IARS1: variants seen among roughly 807,000 people sequenced by gnomAD.
IARS1 encodes isoleucyl-tRNA synthetase 1.
A neutral mutation model predicts 168.2 loss-of-function variants in IARS1; 124 were observed. The observed-to-expected ratio is 0.74, with a 90% confidence interval of 0.64 to 0.86. IARS1 has a LOEUF of 0.86. Ranked by LOEUF, IARS1 falls within the 40% of genes least tolerant of loss-of-function variation. IARS1 has a pLI of 0.00. For missense variants in IARS1, 1,452 were observed against 1,515.8 expected (o/e 0.96, Z 0.70); for synonymous variants, 532 against 529.4 (o/e 1.00, Z -0.07).
At chr9:92,256,625 C>A in intron 20 of IARS1, 55 bp downstream of exon 20, 2 of 1,499,150 alleles carry the variant, frequency 1.3e-6, no homozygotes, top group Non-Finnish European at 1.8e-6. Flanking sequence ...ATCAAAAGGG[C>A]AGTTACAAAG....
intron 30 of IARS1, among the ~76,000 whole-genome samples, chr9:92,230,019 T>C (rs1826411061): frequency 6.6e-6 from 1 of 152,210 alleles, no homozygotes; most frequent in Non-Finnish European, 1.5e-5. Flanking sequence ...AGTCTCCATT[T>C]CTATAATCTT....
intron 31 of IARS1, among the ~76,000 whole-genome samples, chr9:92,225,516 C>T (rs72750414): frequency 0.018 from 2,738 of 150,650 alleles, 43 homozygotes; most frequent in Middle Eastern, 0.045. Flanking sequence ...CTTTCTATCT[C>T]GTTTTGGGTA....
chr9:92,262,805 T>TTCC (rs1831711650), intron 17 of IARS1, among the ~76,000 whole-genome samples, 164 bp downstream of exon 17: 1 of 152,188 alleles, frequency 6.6e-6, no homozygotes, highest in Admixed American at 6.5e-5. Flanking sequence ...AGTCCTCCCC[T>TTCC]TCCTCCTCCT....
At chr9:92,255,953 T>G (rs1199754039) in intron 20 of IARS1, among the ~76,000 whole-genome samples, 1 of 152,102 alleles carries the variant, frequency 6.6e-6, no homozygotes, top group Non-Finnish European at 1.5e-5. Flanking sequence ...GATATGACTA[T>G]TACACACTGT....
intron 30 of IARS1, among the ~76,000 whole-genome samples, chr9:92,232,276 T>C (rs549421915): frequency 2.0e-4 from 30 of 152,348 alleles, no homozygotes; most frequent in African/African-American, 7.2e-4. Flanking sequence ...GATATGTAGA[T>C]ATTTTCCAAA....
intron 15 of IARS1, 114 bp downstream of exon 15, chr9:92,265,366 G>T: frequency 2.0e-6 from 2 of 1,014,830 alleles, no homozygotes; most frequent in Non-Finnish European, 3.0e-6. Flanking sequence ...TGAGTCATCA[G>T]CAAAGTAATT....
chr9:92,274,373 G>C, intron 10 of IARS1, 53 bp downstream of exon 10: 1 of 1,394,996 alleles, frequency 7.2e-7, no homozygotes, highest in Non-Finnish European at 1.0e-6. Flanking sequence ...CCGCATCTAT[G>C]AAAAGTGGCT....
At chr9:92,213,401 T>C (rs756583550) in intron 33 of IARS1, among the ~76,000 whole-genome samples, 1 of 152,250 alleles carries the variant, frequency 6.6e-6, no homozygotes, top group Non-Finnish European at 1.5e-5. Flanking sequence ...CGGTTAATAA[T>C]GGCCTTCCAA....
rs1825131008 is a variant in IARS1, at chr9:92,223,468, A to C, written c.3431T>G (p.Leu1144Ter). The change falls in exon 32 of 34, where the codon TTA (leucine) becomes TGA (stop). Residue 1144 changes from leucine to a stop codon, truncating the protein, a stop_gained. Coordinates refer to ENST00000443024, the MANE Select transcript of IARS1 (RefSeq NM_002161.6). LOFTEE classifies it high-confidence loss of function. ...DETEIQNQTDLLSLSGKTLCV... is the reference protein window; with the variant it reads ...DETEIQNQTD Reference sequence around the variant, plus strand: ...AAGTGTTTTTCCACTAAGACTCAGTAAGTCAGTTTGGTTTTGTATTTCTAA... The same window carrying C: ...AAGTGTTTTTCCACTAAGACTCAGTCAGTCAGTTTGGTTTTGTATTTCTAA... 2 of 1,612,878 alleles carry C rather than the reference A, an allele frequency of 1.2e-6. No homozygotes were observed. Among genetic ancestry groups the C allele is most frequent in the African/African-American group, 1.3e-5 (1 of 74,878 alleles).
rs755408701 is a variant in IARS1, at chr9:92,253,378, T to C, written c.2213A>G (p.Asn738Ser). 5 of 1,612,238 alleles carry C rather than the reference T, an allele frequency of 3.1e-6. No homozygotes were observed. Among genetic ancestry groups the C allele is most frequent in the Non-Finnish European group, 4.2e-6 (5 of 1,178,458 alleles). ...DILTNWYVRM[N>S]RRRLKGENGM... ...TGCACTTACCTTTAATCTTCTGCGG[T>C]TCATTCTAACATACCAATTGGTCAG... is the stretch of plus-strand genomic sequence containing the variant. The change falls in exon 21 of 34, where the codon AAC becomes AGC. Residue 738 changes from asparagine (N) to serine (S), a missense_variant. Asn to Ser is a conservative substitution (Grantham distance 46). Transcript: ENST00000443024.
intron 14 of IARS1, 56 bp downstream of exon 14, chr9:92,268,118 T>A: frequency 1.3e-6 from 2 of 1,509,180 alleles, no homozygotes; most frequent in Admixed American, 2.6e-5. Context: ...CATTCAGATT[T>A]CATGAACAAA....
chr9:92,281,052 T>C (rs1834479216), intron 6 of IARS1, among the ~76,000 whole-genome samples, 159 bp from the exon 7 acceptor site: 2 of 151,258 alleles, frequency 1.3e-5, no homozygotes, highest in Admixed American at 1.3e-4. Context: ...AAATTCCAAG[T>C]AAAAAAATTT....
At position 92,272,041 on chromosome 9, in the gene IARS1, C is replaced by T. The variant is rs567687588; in HGVS notation, c.991-386G>A. ...AAACTAAATCAAATTTGATTTATAA[C>T]AGCAGCACACACATCTGAAAAACCA... is the stretch of plus-strand genomic sequence containing the variant. On this transcript the variant is annotated intron_variant, in intron 10 of 33. Coordinates refer to ENST00000443024, the MANE Select transcript of IARS1 (RefSeq NM_002161.6). Among the ~76,000 whole-genome samples the T allele has an allele frequency of 1.6e-4, 25 of 152,332 alleles. 1 individual carries two copies. The highest frequency in any genetic ancestry group is 5.8e-4 in the African/African-American group (24 of 41,578).
Position 92,289,408 on chromosome 9 carries a change from T to C in IARS1, c.12A>G (p.Gln4=), listed in dbSNP as rs781079869. 2.1e-5 allele frequency: 31 copies of C among 1,509,238 alleles called. No homozygotes were observed. Among genetic ancestry groups the C allele is most frequent in the African/African-American group, 4.1e-5 (3 of 72,738 alleles). The allele number at this position is 1,509,238 out of a possible 1,614,324, so 93.5% of individuals were successfully genotyped here. The change falls in exon 2 of 34, where the codon CAA becomes CAG. Residue 4 remains glutamine, a synonymous_variant. Transcript: ENST00000443024. The part of the protein sequence containing the change: MLQ[Q]VPENINFPAE... ...CAGGAAAATTTATGTTTTCTGGAAC[T>C]TGTTGAAGCATTTTGTTGCTGCAAA...
intron 26 of IARS1, among the ~76,000 whole-genome samples, chr9:92,246,518 G>A (rs534965557): frequency 2.6e-5 from 4 of 152,198 alleles, no homozygotes; most frequent in Non-Finnish European, 5.9e-5. Context: ...ATTTGGTTAG[G>A]TACCCCCACA....
chr9:92,240,269 CTT>C (rs899716649), intron 30 of IARS1: 29 of 164,708 alleles, frequency 1.8e-4, no homozygotes, highest in East Asian at 3.2e-4. Flanking sequence ...TTTTTCTTTT[CTT>C]TTTTTTTTTG....
Position 92,278,219 on chromosome 9 carries a change from A to G in IARS1, c.813T>C (p.Ser271=), listed in dbSNP as rs899053545. ...TTCACCTTTCAAGGATCTCATAGTC[A>G]CTCTCCAATTTATAGAGGGCTGACA... ...ARLSALYKLE[S]DYEILERFPG... is the part of the protein sequence containing the mutation. Residue 271 remains serine (S), a synonymous_variant, in exon 8 of 34, where the codon AGT becomes AGC. Transcript: ENST00000443024. 2 of 1,605,352 alleles carry G rather than the reference A, an allele frequency of 1.2e-6. No individual in the cohort carries two copies. The highest frequency in any genetic ancestry group is 8.5e-7 in the Non-Finnish European group (1 of 1,172,092).
intron 19 of IARS1, 57 bp from the exon 20 acceptor site, chr9:92,256,857 G>T: frequency 6.6e-7 from 1 of 1,505,580 alleles, no homozygotes; most frequent in Non-Finnish European, 9.0e-7. Context: ...TTACTATGAG[G>T]AAATAAACTT....
chr9:92,240,320 A>G (rs9409662), intron 30 of IARS1: 25,321 of 230,480 alleles, frequency 0.11, 1,701 homozygotes, highest in South Asian at 0.21. Flanking sequence ...CTGGAGTGCA[A>G]TGGTGCAATC....
Sources: gnomAD v4.1 joint callset for allele counts (sites outside exome capture counted in the v4.1 genomes callset) on GRCh38, gnomAD v4.1.1 for gene constraint, MANE v1.5 for transcripts, NCBI Gene and HGNC (gene_info 2026-07-23, HGNC 2026-07-21) for gene names.